DAGLB: variants seen among roughly 807,000 people sequenced by gnomAD.
DAGLB encodes diacylglycerol lipase beta, also known as diacylglycerol lipase-beta.
DAGLB carries 66 observed loss-of-function variants against 72.1 expected under a neutral mutation model. The ratio of observed to expected loss-of-function variants is 0.92; its 90% CI spans 0.75 to 1.12. The LOEUF (loss-of-function observed/expected upper bound fraction) is 1.12, where lower values mean the gene tolerates loss of function less well. Ranked by LOEUF, DAGLB falls within the 50% of genes most tolerant of loss-of-function variation. DAGLB has a pLI of 0.00. For missense variants in DAGLB, 1,065 were observed against 884.9 expected (o/e 1.20, Z -2.58); for synonymous variants, 414 against 359.5 (o/e 1.15, Z -1.71).
At position 6,438,863 on chromosome 7, in the gene DAGLB, A is replaced by C. The variant is rs79983135; in HGVS notation, c.248-2330T>G. On this transcript the variant is annotated intron_variant, in intron 2 of 14. Coordinates refer to ENST00000297056, the MANE Select transcript of DAGLB (RefSeq NM_139179.4). ...TCTCTGATTATTTTTTAAAAAAGAT[A>C]ATGATGATGATGATGATGATGATGG... is the stretch of plus-strand genomic sequence containing the variant. 2.8e-5 allele frequency among the ~76,000 whole-genome samples: 3 copies of C among 106,516 alleles called. No individual in the cohort carries two copies. In the East Asian group the frequency reaches 9.7e-4, roughly 35 times the overall value. 69.9% of individuals were successfully genotyped at this position (106,516 alleles called of 152,430 possible).
chr7:6,439,600 G>A (rs574782922), intron 2 of DAGLB, among the ~76,000 whole-genome samples: 12 of 152,276 alleles, frequency 7.9e-5, no homozygotes, highest in Admixed American at 7.2e-4. Context: ...GATACAAGGA[G>A]GCATCCCACA....
At chr7:6,420,261 G>A (rs989793481) in intron 9 of DAGLB, among the ~76,000 whole-genome samples, 6 of 152,096 alleles carry the variant, frequency 3.9e-5, no homozygotes, top group African/African-American at 1.4e-4. Flanking sequence ...CCAACATGGT[G>A]AAACCCCGTC....
At chr7:6,434,680 T>G (rs752491681) in intron 4 of DAGLB, 82 bp downstream of exon 4, 5 of 1,581,686 alleles carry the variant, frequency 3.2e-6, no homozygotes, top group Non-Finnish European at 4.3e-6. Flanking sequence ...AAACGCGGTT[T>G]TATGGGAACA....
intron 4 of DAGLB, 122 bp downstream of exon 4, chr7:6,434,638 ACC>A (rs1016220039): frequency 6.7e-7 from 1 of 1,487,228 alleles, no homozygotes; most frequent in African/African-American, 1.4e-5. Context: ...GTCTCCGGCC[ACC>A]CCCCACACAC....
chr7:6,441,237 G>A (rs1245113232), intron 2 of DAGLB, among the ~76,000 whole-genome samples: 1 of 147,278 alleles, frequency 6.8e-6, no homozygotes, highest in Non-Finnish European at 1.5e-5. Flanking sequence ...ACTACAGGCA[G>A]CTGCCACCAC....
chr7:6,440,895 A>T (rs1784808289), intron 2 of DAGLB, among the ~76,000 whole-genome samples: 2 of 151,792 alleles, frequency 1.3e-5, no homozygotes, highest in Admixed American at 1.3e-4. Context: ...TCAATCAATC[A>T]TTTATATTTC....
intron 4 of DAGLB, among the ~76,000 whole-genome samples, chr7:6,433,851 C>CAAAAAAAAAAA (rs35042230): frequency 7.8e-6 from 1 of 127,852 alleles, no homozygotes; most frequent in Non-Finnish European, 1.8e-5. Context: ...GACCTTGTCT[C>CAAAAAAAAAAA]AAAAAAAAAA....
rs1051965203 is a variant in DAGLB at position 6,446,943 on chromosome 7, G to A, written c.95+805C>T. ...GAAGATCGCTTGAGCCCAGGAGGTT[G>A]AGGCTGCAGTGAGTGGTGATCGCAC... is the stretch of plus-strand genomic sequence containing the variant. On this transcript the variant is annotated intron_variant, in intron 1 of 14. Transcript: ENST00000297056. Among the ~76,000 whole-genome samples the A allele has an allele frequency of 5.3e-5, 8 of 152,128 alleles. No homozygotes were observed. The East Asian group carries it at 1.6e-3, about 29-fold the overall frequency.
At chr7:6,426,467 G>C (rs541370793) in intron 6 of DAGLB, among the ~76,000 whole-genome samples, 1 of 152,072 alleles carries the variant, frequency 6.6e-6, no homozygotes, top group South Asian at 2.1e-4. Flanking sequence ...ATAGAGTTTC[G>C]CCATGTTGGC....
intron 9 of DAGLB, among the ~76,000 whole-genome samples, chr7:6,419,106 C>T (rs189257871): frequency 0.026 from 3,229 of 124,894 alleles, 60 homozygotes; most frequent in Middle Eastern, 0.076. Flanking sequence ...TTTTTTGAGA[C>T]GGAGTCTCAG....
chr7:6,421,894 G>GT, intron 8 of DAGLB, 90 bp from the exon 9 acceptor site: 1 of 1,392,386 alleles, frequency 7.2e-7, no homozygotes, highest in Non-Finnish European at 1.0e-6. Flanking sequence ...ACACTTCTGT[G>GT]GAGGATGGCG....
chr7:6,420,476 A>G (rs747680928), intron 9 of DAGLB, among the ~76,000 whole-genome samples: 1 of 152,008 alleles, frequency 6.6e-6, no homozygotes, highest in Non-Finnish European at 1.5e-5. Context: ...CACTGACAAA[A>G]GGACAAATCC....
chr7:6,436,667 A>G (rs1784668855), intron 2 of DAGLB, 134 bp from the exon 3 acceptor site: 1 of 1,098,052 alleles, frequency 9.1e-7, no homozygotes, highest in Non-Finnish European at 1.3e-6. Flanking sequence ...TTCTACTTAT[A>G]ATTGGTAATC....
intron 9 of DAGLB, chr7:6,417,812 T>C (rs1285018623): frequency 1.3e-5 from 2 of 152,226 alleles, no homozygotes; most frequent in South Asian, 2.1e-4. Flanking sequence ...AAGTGAGTTT[T>C]AGGGTGGTCA....
chr7:6,428,620 G>A (rs2115269842), intron 6 of DAGLB, among the ~76,000 whole-genome samples: 1 of 151,958 alleles, frequency 6.6e-6, no homozygotes, highest in African/African-American at 2.4e-5. Flanking sequence ...CCGAGTAGCT[G>A]TGATTACAGG....
rs193096335 is a variant in DAGLB at position 6,414,062 on chromosome 7, G to C, written c.1428-1028C>G. 3.3e-5 allele frequency among the ~76,000 whole-genome samples: 5 copies of C among 152,306 alleles called. No homozygotes were observed. The East Asian group carries it at 5.8e-4, about 18-fold the overall frequency. Reference sequence around the variant, plus strand: ...GTCTCGCTCTGTCTCCCAGGCTGGAGTGCAGCGGCACAATCTCAGCTCACT... The same window carrying C: ...GTCTCGCTCTGTCTCCCAGGCTGGACTGCAGCGGCACAATCTCAGCTCACT... On this transcript the variant is annotated intron_variant, in intron 11 of 14. Transcript: ENST00000297056.
At chr7:6,425,884 T>C (rs1421028663) in intron 7 of DAGLB, 104 bp downstream of exon 7, 1 of 1,548,794 alleles carries the variant, frequency 6.5e-7, no homozygotes, top group Non-Finnish European at 8.7e-7. Flanking sequence ...AGTGTGTTTG[T>C]GTGTCTATGA....
intron 2 of DAGLB, among the ~76,000 whole-genome samples, chr7:6,440,215 T>C (rs571159410): frequency 3.2e-4 from 48 of 150,178 alleles, no homozygotes; most frequent in Non-Finnish European, 6.2e-4. Flanking sequence ...AGAAACCCCA[T>C]CTCTACTAAA....
At chr7:6,420,062 A>C (rs2115253069) in intron 9 of DAGLB, among the ~76,000 whole-genome samples, 1 of 152,176 alleles carries the variant, frequency 6.6e-6, no homozygotes, top group South Asian at 2.1e-4. Flanking sequence ...TGGGAAGATC[A>C]CTTGAACCTG....
Sources: allele counts gnomAD v4.1 joint callset (sites outside exome capture counted in the v4.1 genomes callset), GRCh38; gene constraint gnomAD v4.1.1; transcripts MANE v1.5; gene names NCBI Gene and HGNC (gene_info 2026-07-23, HGNC 2026-07-21).